Variants in PXDNL observed in about 807,000 individuals in gnomAD.
The protein encoded by PXDNL is probable oxidoreductase PXDNL.
A neutral mutation model predicts 150.8 loss-of-function variants in PXDNL; 145 were observed. That is an observed-to-expected ratio of 0.96 (90% CI 0.84 to 1.10). The LOEUF is 1.10. PXDNL is among the 50% of genes least tolerant of loss of function. The pLI is 0.00. For missense variants in PXDNL, 2,087 were observed against 1,873.9 expected, an observed-to-expected ratio of 1.11 and a Z score of -2.10; for synonymous variants, 757 against 725.7, an observed-to-expected ratio of 1.04 and a Z score of -0.69.
intron 12 of PXDNL, among the ~76,000 whole-genome samples, chr8:51,441,579 C>CA (rs1010045773): frequency 2.0e-5 from 3 of 151,560 alleles, no homozygotes; most frequent in Non-Finnish European, 4.4e-5. Context: ...TATTTTAGTG[C>CA]AAAAAAAATT....
intron 2 of PXDNL, among the ~76,000 whole-genome samples, chr8:51,626,385 A>G (rs951760975): frequency 1.3e-5 from 2 of 152,204 alleles, no homozygotes; most frequent in Admixed American, 1.3e-4. Context: ...CTAAAACCTC[A>G]TTTGGTAATG....
intron 1 of PXDNL, among the ~76,000 whole-genome samples, chr8:51,666,462 A>T (rs1369272430): frequency 6.6e-6 from 1 of 152,212 alleles, no homozygotes; most frequent in African/African-American, 2.4e-5. Flanking sequence ...ATACATATAT[A>T]CATGCATATA....
chr8:51,577,169 A>T (rs1163301024), intron 3 of PXDNL, among the ~76,000 whole-genome samples: 1 of 151,900 alleles, frequency 6.6e-6, no homozygotes, highest in Non-Finnish European at 1.5e-5. Flanking sequence ...TTAATGCGAT[A>T]CCAAAACCTG....
intron 1 of PXDNL, among the ~76,000 whole-genome samples, chr8:51,735,119 T>C (rs1817006003): frequency 6.6e-6 from 1 of 152,230 alleles, no homozygotes; most frequent in Admixed American, 6.5e-5. Context: ...CATTCTACAA[T>C]GTAAACATAT....
intron 17 of PXDNL, among the ~76,000 whole-genome samples, chr8:51,404,006 G>A (rs1310777866): frequency 3.3e-5 from 5 of 152,130 alleles, no homozygotes; most frequent in Admixed American, 2.0e-4. Flanking sequence ...GCAGACCTTC[G>A]CAGTGAGTGT....
At chr8:51,508,927 C>T (rs1811348591) in intron 4 of PXDNL, among the ~76,000 whole-genome samples, 1 of 152,176 alleles carries the variant, frequency 6.6e-6, no homozygotes, top group Admixed American at 6.5e-5. Flanking sequence ...CTTTCTTTCT[C>T]CAACATCCTA....
intron 1 of PXDNL, among the ~76,000 whole-genome samples, chr8:51,679,378 A>G (rs892336655): frequency 6.6e-6 from 1 of 152,224 alleles, no homozygotes; most frequent in African/African-American, 2.4e-5. Context: ...TCCATGAGAT[A>G]CTATGATACA....
intron 3 of PXDNL, among the ~76,000 whole-genome samples, chr8:51,569,250 C>T (rs1812881144): frequency 6.6e-6 from 1 of 151,874 alleles, no homozygotes; most frequent in Non-Finnish European, 1.5e-5. Flanking sequence ...AGCTTATTTT[C>T]ATATGGTTCA....
intron 1 of PXDNL, among the ~76,000 whole-genome samples, chr8:51,682,290 A>G (rs1815766669): frequency 6.6e-6 from 1 of 152,192 alleles, no homozygotes; most frequent in South Asian, 2.1e-4. Flanking sequence ...TTTTCTGGAT[A>G]TGTTTGCTAC....
At chr8:51,380,916 T>C (rs1430731308) in intron 17 of PXDNL, among the ~76,000 whole-genome samples, 6 of 152,206 alleles carry the variant, frequency 3.9e-5, no homozygotes, top group African/African-American at 1.4e-4. Flanking sequence ...TTAATCGGCT[T>C]ATGTCCTAAA....
chr8:51,624,762 C>T (rs533536155), intron 2 of PXDNL, among the ~76,000 whole-genome samples: 1 of 150,708 alleles, frequency 6.6e-6, no homozygotes, highest in Non-Finnish European at 1.5e-5. Context: ...TGTGACATAG[C>T]CAAGGTCTCA....
At chr8:51,607,846 A>G (rs1202362123) in intron 2 of PXDNL, among the ~76,000 whole-genome samples, 3 of 120,804 alleles carry the variant, frequency 2.5e-5, no homozygotes, top group Non-Finnish European at 5.1e-5. Flanking sequence ...TCTCAAAAAA[A>G]AGGAAGAGAG....
chr8:51,338,251 T>A (rs1047695648), intron 21 of PXDNL, among the ~76,000 whole-genome samples: 4 of 151,422 alleles, frequency 2.6e-5, no homozygotes, highest in Non-Finnish European at 5.9e-5. Flanking sequence ...TGGCTATTTC[T>A]GGTCAAGTGA....
intron 2 of PXDNL, among the ~76,000 whole-genome samples, chr8:51,610,730 A>C (rs1813982180): frequency 6.6e-6 from 1 of 152,016 alleles, no homozygotes; most frequent in Non-Finnish European, 1.5e-5. Context: ...CCTCTTCCAA[A>C]CTCTTTCAAG....
chr8:51,320,947 A>G (rs751630629), intron 21 of PXDNL, 50 bp from the exon 22 acceptor site: 1 of 1,340,368 alleles, frequency 7.5e-7, no homozygotes, highest in Non-Finnish European at 1.1e-6. Flanking sequence ...GCGGATAGCA[A>G]CAAAGCCAAT....
intron 1 of PXDNL, among the ~76,000 whole-genome samples, chr8:51,745,271 G>A (rs2036970540): frequency 6.6e-6 from 1 of 152,100 alleles, no homozygotes; most frequent in South Asian, 2.1e-4. Context: ...TAATTCAATG[G>A]TATGTCAAGA....
chr8:51,481,724 A>G (rs1810608671), intron 6 of PXDNL, among the ~76,000 whole-genome samples: 1 of 152,228 alleles, frequency 6.6e-6, no homozygotes, highest in African/African-American at 2.4e-5. Flanking sequence ...AAAGGGGCCA[A>G]CATACTTCTG....
intron 1 of PXDNL, among the ~76,000 whole-genome samples, chr8:51,673,321 T>C (rs574505130): frequency 6.6e-6 from 1 of 152,312 alleles, no homozygotes; most frequent in Non-Finnish European, 1.5e-5. Context: ...AGATACTAAA[T>C]GATAATAGTG....
rs115338840 is a variant in PXDNL, at chr8:51,485,992, A to G, written c.453-2278T>C. Among the ~76,000 whole-genome samples, 954 of 152,324 alleles carry G rather than the reference A, an allele frequency of 6.3e-3. 14 individuals are homozygous for G. The highest frequency in any genetic ancestry group is 0.022 in the African/African-American group (917 of 41,580). Reference sequence around the variant, plus strand: ...AAACCTCGGGAAAAGCCAAATTACCAGGACAATTTATGCCTGCTTTATTTT... The same window carrying G: ...AAACCTCGGGAAAAGCCAAATTACCGGGACAATTTATGCCTGCTTTATTTT... On this transcript the variant is annotated intron_variant, in intron 5 of 22. Transcript: ENST00000356297.
Sources: gnomAD v4.1 joint callset for allele counts (sites outside exome capture counted in the v4.1 genomes callset) on GRCh38, gnomAD v4.1.1 for gene constraint, MANE v1.5 for transcripts, NCBI Gene and HGNC (gene_info 2026-07-23, HGNC 2026-07-21) for gene names.